Variants in URB1 observed in about 807,000 individuals in gnomAD.
URB1 encodes URB1 ribosome biogenesis factor.
In URB1, 197 loss-of-function variants were observed where a neutral mutation model predicts 242.3. The ratio of observed to expected loss-of-function variants is 0.81; its 90% CI spans 0.72 to 0.91. The LOEUF is 0.91. Ranked by LOEUF, URB1 falls within the 40% of genes least tolerant of loss-of-function variation. The probability of loss-of-function intolerance (pLI) is 0.00; values close to 1 mark genes in which losing one functional copy is unlikely to be tolerated. For missense variants in URB1, 2,721 were observed against 2,860.5 expected, an observed-to-expected ratio of 0.95 and a Z score of 1.11; for synonymous variants, 1,153 against 1,201.8, an observed-to-expected ratio of 0.96 and a Z score of 0.84.
intron 19 of URB1, among the ~76,000 whole-genome samples, chr21:32,352,166 A>G (rs756857332): frequency 2.4e-4 from 36 of 152,354 alleles, no homozygotes; most frequent in Non-Finnish European, 4.9e-4. Flanking sequence ...TGCATACCAC[A>G]AATTTCGTGC....
At chr21:32,346,345 T>C (rs1002492460) in intron 22 of URB1, among the ~76,000 whole-genome samples, 1 of 152,224 alleles carries the variant, frequency 6.6e-6, no homozygotes, top group African/African-American at 2.4e-5. Context: ...CAATGTTAAA[T>C]GGACTATGAC....
chr21:32,341,324 C>A, intron 25 of URB1, 142 bp downstream of exon 25: 2 of 763,716 alleles, frequency 2.6e-6, no homozygotes, highest in South Asian at 1.9e-5. Context: ...CATTTAACTT[C>A]TCCAACTTCT....
rs761809493 is a variant in URB1, at chr21:32,378,469, T to C, written c.640A>G (p.Ile214Val). The C allele has an allele frequency of 1.9e-6, 3 of 1,551,700 alleles. No homozygotes were observed. Among genetic ancestry groups the C allele is most frequent in the South Asian group, 2.4e-5 (2 of 84,060 alleles). Residue 214 changes from isoleucine to valine, a missense_variant, in exon 5 of 39, where the codon ATA becomes GTA. Transcript: ENST00000382751. Reference sequence around the variant, plus strand: ...CCTTTCACTTCCAACACCTGCACTATAGTGCTGTCATCACCCGCAATTAAA... The same window carrying C: ...CCTTTCACTTCCAACACCTGCACTACAGTGCTGTCATCACCCGCAATTAAA... Reference protein sequence around the residue: ...SFLIAGDDSTIVQVLEVKEFI... With the variant: ...SFLIAGDDSTVVQVLEVKEFI...
intron 10 of URB1, 133 bp downstream of exon 10, chr21:32,366,485 C>T (rs913731696): frequency 4.8e-5 from 62 of 1,286,500 alleles, no homozygotes; most frequent in Non-Finnish European, 9.5e-6. Flanking sequence ...CAGCCTCTGT[C>T]CTGGAAGCCT....
chr21:32,362,821 G>T (rs1229730234), intron 11 of URB1, among the ~76,000 whole-genome samples: 1 of 152,126 alleles, frequency 6.6e-6, no homozygotes, highest in Admixed American at 6.5e-5. Context: ...GAGGGGTAAG[G>T]ACACAATCTA....
At chr21:32,368,750 C>T (rs759589939) in intron 8 of URB1, among the ~76,000 whole-genome samples, 152 bp from the exon 9 acceptor site, 8 of 152,122 alleles carry the variant, frequency 5.3e-5, no homozygotes, top group South Asian at 4.1e-4. Context: ...GTGGGGGTTC[C>T]GTGGCCTGGG....
In URB1 at chr21:32,311,726, C is replaced by A. The variant is rs776030489; in HGVS notation, c.*3192G>T. 13 of 1,614,030 alleles carry A rather than the reference C, an allele frequency of 8.1e-6. No homozygotes were observed. The Admixed American group carries it at 2.2e-4, about 27-fold the overall frequency. On this transcript the variant is annotated 3_prime_UTR_variant, in exon 39 of 39. Transcript: ENST00000382751. ...ACCAAACATGCCCCTGGAGTCACGG[C>A]CTCAACCTCCACCTCTGCATCCAGA...
chr21:32,324,628 A>C, intron 31 of URB1, 26 bp from the exon 32 acceptor site: 2 of 1,501,002 alleles, frequency 1.3e-6, no homozygotes, highest in Non-Finnish European at 9.1e-7. Context: ...GAAAAGGAAA[A>C]TGTAAGATGA....
intron 6 of URB1, among the ~76,000 whole-genome samples, chr21:32,374,885 A>G (rs749655911): frequency 1.3e-5 from 2 of 152,232 alleles, no homozygotes; most frequent in Non-Finnish European, 2.9e-5. Flanking sequence ...CATGCTTATT[A>G]GCCATTTTCA....
At chr21:32,380,031 C>A (rs1010852154) in intron 4 of URB1, among the ~76,000 whole-genome samples, 1 of 151,822 alleles carries the variant, frequency 6.6e-6, no homozygotes, top group African/African-American at 2.4e-5. Context: ...AGTACCAGAA[C>A]TGAGATAAGA....
Position 32,360,445 on chromosome 21 carries a change from AAGG to A in URB1, c.1757-540_1757-538del, listed in dbSNP as rs577619577. Among the ~76,000 whole-genome samples the A allele has an allele frequency of 2.2e-4, 33 of 152,364 alleles. No homozygotes were observed. In the South Asian group the frequency reaches 6.4e-3, roughly 30 times the overall value. On this transcript the variant is annotated intron_variant, in intron 13 of 38. Coordinates refer to ENST00000382751, the MANE Select transcript of URB1 (RefSeq NM_014825.3). ...TAAAAAGTGAATTGCAGCTTTTGAAAAGGAGTATTTCAATAGCTCATATAAATT... is the reference window on the plus strand; with the variant it reads ...TAAAAAGTGAATTGCAGCTTTTGAAAAGTATTTCAATAGCTCATATAAATT...
rs905733210 is a variant in URB1 at position 32,312,155 on chromosome 21, T to C, written c.*2763A>G. 4 of 1,527,996 alleles carry C rather than the reference T, an allele frequency of 2.6e-6. No individual in the cohort carries two copies. The highest frequency in any genetic ancestry group is 2.7e-5 in the African/African-American group (2 of 73,064). 94.7% of individuals were successfully genotyped at this position (1,527,996 alleles called of 1,614,324 possible). ...GAGCATCCTATGCCTTTGACAAAGATTGCAGTGGCCCCTCGAGTGCAGAGG... is the reference window on the plus strand; with the variant it reads ...GAGCATCCTATGCCTTTGACAAAGACTGCAGTGGCCCCTCGAGTGCAGAGG... On this transcript the variant is annotated 3_prime_UTR_variant, in exon 39 of 39. Coordinates refer to ENST00000382751, the MANE Select transcript of URB1 (RefSeq NM_014825.3).
At position 32,347,542 on chromosome 21, in the gene URB1, C is replaced by T. The variant is rs377170267; in HGVS notation, c.3282G>A (p.Pro1094=). 1.9e-5 allele frequency: 29 copies of T among 1,551,222 alleles called. No homozygotes were observed. The highest frequency in any genetic ancestry group is 4.9e-5 in the East Asian group (2 of 40,904). ...LKELQNRRAG[P]ATSPPKTPPQ... is the part of the protein sequence containing the mutation. ...GCGGGGTCTTTGGTGGTGATGTGGC[C>T]GGGCCCGCCCTCCTGTTCTGAAGTT... Residue 1094 remains proline (P), a synonymous_variant, in exon 22 of 39, where the codon CCG becomes CCA. Transcript: ENST00000382751.
chr21:32,342,448 A>G (rs1353378439), intron 24 of URB1, among the ~76,000 whole-genome samples: 1 of 152,122 alleles, frequency 6.6e-6, no homozygotes, highest in Non-Finnish European at 1.5e-5. Flanking sequence ...CAGCTGAGGT[A>G]TATCTCACAC....
chr21:32,347,034 C>G lies in URB1; in HGVS notation c.3790G>C (p.Asp1264His), dbSNP rs77503870. 12,061 of 1,549,436 alleles carry G rather than the reference C, an allele frequency of 7.8e-3. 425 individuals are homozygous for G. In the East Asian group the frequency reaches 0.099, roughly 13 times the overall value. Residue 1264 changes from aspartate (D) to histidine (H), a missense_variant, in exon 22 of 39, where the codon GAC (aspartate) becomes CAC (histidine). Coordinates refer to ENST00000382751, the MANE Select transcript of URB1 (RefSeq NM_014825.3). ...ATGAGGGGAAGGAAGTCGTCCAGGTCCCCCTGGAGGCCGAGCCCTGGGCCA... is the reference window on the plus strand; with the variant it reads ...ATGAGGGGAAGGAAGTCGTCCAGGTGCCCCTGGAGGCCGAGCCCTGGGCCA... ...QAGPGLGLQG[D>H]LDDFLPLIHV...
At chr21:32,363,355 C>T (rs949688486) in intron 10 of URB1, 26 bp from the exon 11 acceptor site, 34 of 1,546,802 alleles carry the variant, frequency 2.2e-5, no homozygotes, top group Non-Finnish European at 2.7e-5. Context: ...GTTAAATGCA[C>T]ACATGTCTCT....
At chr21:32,388,356 A>G (rs1429010961) in intron 1 of URB1, among the ~76,000 whole-genome samples, 1 of 152,208 alleles carries the variant, frequency 6.6e-6, no homozygotes, top group African/African-American at 2.4e-5. Flanking sequence ...CCCTCAAAAC[A>G]TAAGCAGCCC....
In URB1 at chr21:32,326,022, C is replaced by T. The variant is rs190167325; in HGVS notation, c.4961-633G>A. ...GGTATCCATTTGCCATTTGTGAGGC[C>T]GAGAGAAGCTGACAATCACTAGAGG... On this transcript the variant is annotated intron_variant, in intron 30 of 38. Coordinates refer to ENST00000382751, the MANE Select transcript of URB1 (RefSeq NM_014825.3). Among the ~76,000 whole-genome samples the T allele has an allele frequency of 5.6e-4, 85 of 151,986 alleles. 1 individual carries two copies. In the East Asian group the frequency reaches 0.011, roughly 20 times the overall value.
intron 13 of URB1, among the ~76,000 whole-genome samples, 176 bp from the exon 14 acceptor site, chr21:32,360,084 C>T (rs1328276263): frequency 6.6e-6 from 1 of 152,182 alleles, no homozygotes; most frequent in Admixed American, 6.5e-5. Flanking sequence ...CTGATGTACC[C>T]CCACGCCCTG....
Sources: allele counts gnomAD v4.1 joint callset (sites outside exome capture counted in the v4.1 genomes callset), GRCh38; gene constraint gnomAD v4.1.1; transcripts MANE v1.5; gene names NCBI Gene and HGNC (gene_info 2026-07-23, HGNC 2026-07-21).